The following ADTRP variants were observed in gnomAD, a reference collection of about 807,000 sequenced individuals.
ADTRP encodes androgen-dependent TFPI-regulating protein.
In ADTRP, 20 loss-of-function variants were observed where a neutral mutation model predicts 27.0. The observed-to-expected ratio is 0.74, with a 90% CI of 0.52 to 1.08. The LOEUF (loss-of-function observed/expected upper bound fraction) is 1.08. Among genes scored for constraint, ADTRP ranks in the 50% least tolerant of loss-of-function variants. ADTRP has a pLI of 0.00. For synonymous variants in ADTRP, 101 were observed against 105.2 expected (o/e 0.96, Z 0.25); for missense variants, 251 against 275.0 (o/e 0.91, Z 0.62).
At chr6:11,777,469 CGT>C (rs909914094) in intron 1 of ADTRP, among the ~76,000 whole-genome samples, 6 of 113,624 alleles carry the variant, frequency 5.3e-5, no homozygotes, top group Non-Finnish European at 7.7e-5. Context: ...TGTGTATGCG[CGT>C]GTGTGTGTGT....
At chr6:11,766,851 A>AAGCT (rs1397739838) in intron 2 of ADTRP, among the ~76,000 whole-genome samples, 1 of 152,216 alleles carries the variant, frequency 6.6e-6, no homozygotes, top group African/African-American at 2.4e-5. Flanking sequence ...GAAAATGCAC[A>AAGCT]AGCTAGCTGA....
At chr6:11,762,544 C>T (rs1763426910) in intron 3 of ADTRP, among the ~76,000 whole-genome samples, 1 of 152,198 alleles carries the variant, frequency 6.6e-6, no homozygotes, top group African/African-American at 2.4e-5. Context: ...CAGGGAAGGT[C>T]CTGTCTCTCA....
chr6:11,765,323 G>GTT (rs34943978), intron 3 of ADTRP, among the ~76,000 whole-genome samples: 15 of 119,108 alleles, frequency 1.3e-4, no homozygotes, highest in East Asian at 4.6e-4. Context: ...CCCCTGGTTT[G>GTT]TTTTTTTTTT....
chr6:11,770,441 A>C (rs1483603472), intron 1 of ADTRP, among the ~76,000 whole-genome samples: 1 of 152,086 alleles, frequency 6.6e-6, no homozygotes, highest in Non-Finnish European at 1.5e-5. Flanking sequence ...GATTGCAGGA[A>C]AGGGAGAGAG....
chr6:11,760,733 T>C (rs1160149772), intron 3 of ADTRP, among the ~76,000 whole-genome samples: 1 of 152,236 alleles, frequency 6.6e-6, no homozygotes, highest in African/African-American at 2.4e-5. Flanking sequence ...CATTATCTAA[T>C]AGGCATCTAA....
chr6:11,736,941 C>A (rs913739984), intron 3 of ADTRP, among the ~76,000 whole-genome samples: 1 of 152,074 alleles, frequency 6.6e-6, no homozygotes, highest in Admixed American at 6.5e-5. Flanking sequence ...CCCTCCTTCC[C>A]TGCATCACCC....
intron 4 of ADTRP, among the ~76,000 whole-genome samples, chr6:11,727,238 T>C (rs1000666695): frequency 2.0e-5 from 3 of 152,094 alleles, no homozygotes; most frequent in Non-Finnish European, 2.9e-5. Flanking sequence ...GTCAGGATGG[T>C]CTCAAACTCC....
chr6:11,722,891 G>A (rs1388148646), intron 5 of ADTRP, among the ~76,000 whole-genome samples: 1 of 152,198 alleles, frequency 6.6e-6, no homozygotes, highest in Non-Finnish European at 1.5e-5. Context: ...ATGAGGTACT[G>A]CTGAGTTGGG....
intron 4 of ADTRP, among the ~76,000 whole-genome samples, chr6:11,727,010 G>T (rs1219409830): frequency 1.3e-5 from 2 of 152,064 alleles, no homozygotes; most frequent in Non-Finnish European, 2.9e-5. Flanking sequence ...TATCATCATT[G>T]TTACTAATAT....
intron 3 of ADTRP, among the ~76,000 whole-genome samples, chr6:11,762,208 T>G (rs1044047139): frequency 6.6e-6 from 1 of 152,246 alleles, no homozygotes; most frequent in African/African-American, 2.4e-5. Context: ...CAACTAGCCA[T>G]GCCTTGCTCA....
chr6:11,778,440 AT>A (rs1250128315), intron 1 of ADTRP, among the ~76,000 whole-genome samples, 166 bp downstream of exon 1: 1 of 152,190 alleles, frequency 6.6e-6, no homozygotes, highest in Non-Finnish European at 1.5e-5. Context: ...AATTGGGTTT[AT>A]CAGAGCAAAT....
chr6:11,742,449 A>G (rs1018466771), intron 3 of ADTRP, among the ~76,000 whole-genome samples: 1 of 152,270 alleles, frequency 6.6e-6, no homozygotes, highest in African/African-American at 2.4e-5. Flanking sequence ...TGAAACACAA[A>G]TACACCAACC....
intron 3 of ADTRP, among the ~76,000 whole-genome samples, chr6:11,756,178 A>G (rs1763208570): frequency 6.6e-6 from 1 of 152,098 alleles, no homozygotes; most frequent in Non-Finnish European, 1.5e-5. Flanking sequence ...GGAATTCAAC[A>G]TGGTGAAACC....
intron 5 of ADTRP, among the ~76,000 whole-genome samples, chr6:11,720,765 A>G (rs1433784246): frequency 1.3e-5 from 2 of 152,088 alleles, no homozygotes; most frequent in African/African-American, 4.8e-5. Flanking sequence ...CCTAACATGC[A>G]TGTCTTCAAC....
intron 4 of ADTRP, among the ~76,000 whole-genome samples, chr6:11,724,353 G>A (rs1334171628): frequency 3.3e-5 from 5 of 152,188 alleles, no homozygotes; most frequent in Non-Finnish European, 4.4e-5. Context: ...TTTAACTGTC[G>A]GCCCTGATTT....
chr6:11,735,845 T>G (rs1429026894), intron 3 of ADTRP, among the ~76,000 whole-genome samples, 162 bp from the exon 4 acceptor site: 1 of 152,098 alleles, frequency 6.6e-6, no homozygotes, highest in Non-Finnish European at 1.5e-5. Flanking sequence ...GGCTCCCTCT[T>G]ACCTACCACA....
At chr6:11,771,303 A>G (rs988203940) in intron 1 of ADTRP, among the ~76,000 whole-genome samples, 3 of 152,112 alleles carry the variant, frequency 2.0e-5, no homozygotes, top group East Asian at 1.9e-4. Flanking sequence ...CTTACTCAAC[A>G]TTGAGGCGTC....
chr6:11,778,333 G>A (rs1267392226), intron 1 of ADTRP, among the ~76,000 whole-genome samples: 2 of 151,998 alleles, frequency 1.3e-5, no homozygotes, highest in Admixed American at 1.3e-4. Flanking sequence ...TCCCCTCTTT[G>A]AGCTCATCTG....
intron 3 of ADTRP, chr6:11,755,115 A>T: frequency 1.0e-6 from 1 of 982,256 alleles, no homozygotes; most frequent in Non-Finnish European, 1.2e-6. Flanking sequence ...GCACTGGTTG[A>T]TTCACACAGG....
Sources: allele counts gnomAD v4.1 joint callset (sites outside exome capture counted in the v4.1 genomes callset), GRCh38; gene constraint gnomAD v4.1.1; transcripts MANE v1.5; gene names NCBI Gene and HGNC (gene_info 2026-07-23, HGNC 2026-07-21).